HDAC8: variants seen among roughly 807,000 people sequenced by gnomAD.
HDAC8 encodes the protein histone deacetylase-like 1.
HDAC8 carries 1 observed loss-of-function variant against 32.2 expected under a neutral mutation model. The observed-to-expected ratio is 0.03, with a 90% CI of 0.01 to 0.15. The LOEUF is 0.15. HDAC8 is among the 10% of genes least tolerant of loss of function. The probability of loss-of-function intolerance (pLI) is 1.00; values close to 1 mark genes in which losing one functional copy is unlikely to be tolerated. For synonymous variants in HDAC8, 108 were observed against 113.9 expected, an observed-to-expected ratio of 0.95 and a Z score of 0.33; for missense variants, 117 against 300.0, an observed-to-expected ratio of 0.39 and a Z score of 4.51.
intron 7 of HDAC8, among the ~76,000 whole-genome samples, chrX:72,469,747 C>A (rs1295737962): frequency 8.9e-6 from 1 of 112,043 alleles, no homozygotes; most frequent in East Asian, 2.8e-4. Context: ...CTCTCTACAG[C>A]TTGGCCACGT....
At chrX:72,338,654 TA>T (rs2043791109) in intron 10 of HDAC8, among the ~76,000 whole-genome samples, 2 of 95,081 alleles carry the variant, frequency 2.1e-5, no homozygotes, top group Non-Finnish European at 4.2e-5. Context: ...TATATATATA[TA>T]TTTATAAATA....
intron 4 of HDAC8, among the ~76,000 whole-genome samples, chrX:72,549,345 T>TTTA (rs2050986892): frequency 9.0e-6 from 1 of 110,939 alleles, no homozygotes; most frequent in Non-Finnish European, 1.9e-5. Flanking sequence ...CCAAGGTGAT[T>TTTA]TTATTGATTT....
chrX:72,397,149 C>T (rs902558226), intron 9 of HDAC8, among the ~76,000 whole-genome samples: 6 of 110,983 alleles, frequency 5.4e-5, no homozygotes, highest in Non-Finnish European at 7.6e-5. Flanking sequence ...CTCACTATCA[C>T]GAGGGTGGCA....
chrX:72,572,623 C>A, intron 1 of HDAC8, 28 bp downstream of exon 1: 1 of 932,190 alleles, frequency 1.1e-6, no homozygotes, highest in Non-Finnish European at 1.5e-6. Context: ...CCCCAAAGCC[C>A]ATGGTCTTTC....
chrX:72,378,402 T>C (rs2045154193), intron 9 of HDAC8, among the ~76,000 whole-genome samples: 1 of 111,661 alleles, frequency 9.0e-6, no homozygotes, highest in Non-Finnish European at 1.9e-5. Context: ...GCCTTCCTAC[T>C]CTTTGACCTT....
chrX:72,487,993 G>T (rs116210798), intron 7 of HDAC8, among the ~76,000 whole-genome samples: 2,198 of 109,919 alleles, frequency 0.02, 55 homozygotes, highest in African/African-American at 0.067. Context: ...CAGGAGACAT[G>T]ATCAAAATTA....
intron 9 of HDAC8, among the ~76,000 whole-genome samples, chrX:72,410,626 T>C (rs140778463): frequency 0.015 from 1,712 of 111,606 alleles, 17 homozygotes; most frequent in Non-Finnish European, 0.023. Context: ...AAAAGAGTCA[T>C]AGATCTGTCA....
rs187840642 is a variant in HDAC8, at chrX:72,556,394, G to A, written c.437+11495C>T. 2.6e-4 allele frequency among the ~76,000 whole-genome samples: 29 copies of A among 111,731 alleles called. 1 individual carries two copies. The Admixed American group carries it at 2.8e-3, about 11-fold the overall frequency. The stretch of plus-strand genomic sequence containing the variant: ...AACAACTAGCATGATGAATAGAATA[G>A]TACCTCAATCTCAATACTAACATTG... On this transcript the variant is annotated intron_variant, in intron 4 of 10. Coordinates refer to ENST00000373573, the MANE Select transcript of HDAC8 (RefSeq NM_018486.3).
rs560598762 is a variant in HDAC8, at chrX:72,562,945, G to A, written c.437+4944C>T. ...CACCCAGGCTGGTGTGCAGTGGCAC[G>A]ATCTCGGCTCTCCGCAACCTCTGCC... On this transcript the variant is annotated intron_variant, in intron 4 of 10. Transcript: ENST00000373573. Among the ~76,000 whole-genome samples the A allele has an allele frequency of 3.2e-3, 331 of 104,567 alleles. 1 individual carries two copies. Among genetic ancestry groups the A allele is most frequent in the African/African-American group, 0.011 (317 of 28,387 alleles). 90.8% of individuals were successfully genotyped at this position (104,567 alleles called of 115,157 possible).
intron 7 of HDAC8, among the ~76,000 whole-genome samples, chrX:72,476,065 CT>C (rs1405337064): frequency 9.0e-6 from 1 of 111,150 alleles, no homozygotes; most frequent in African/African-American, 3.3e-5. Context: ...CATATTATTA[CT>C]TATCTCTCAC....
intron 7 of HDAC8, chrX:72,474,720 A>G (rs782515672): frequency 8.5e-7 from 1 of 1,178,778 alleles, no homozygotes. Context: ...TTGGGGCAGG[A>G]GGTTCGTACC....
rs1337923839 is a variant in HDAC8, at chrX:72,541,582, T to G, written c.437+26307A>C. On this transcript the variant is annotated intron_variant, in intron 4 of 10. Transcript: ENST00000373573. ...GAGAACAGACCAAAGGGGGCAAGGC[T>G]AGAAGCAGGAACGCTAGCTGGGAGG... Among the ~76,000 whole-genome samples, 4 of 111,754 alleles carry G rather than the reference T, an allele frequency of 3.6e-5. No homozygotes were observed. In the East Asian group the frequency reaches 1.1e-3, roughly 31 times the overall value.
chrX:72,497,922 C>T (rs1482400422), intron 4 of HDAC8, among the ~76,000 whole-genome samples: 1 of 110,980 alleles, frequency 9.0e-6, no homozygotes, highest in East Asian at 2.8e-4. Flanking sequence ...TTTCTACATG[C>T]TGCAGAAAAG....
chrX:72,491,819 C>T (rs1556009948), intron 5 of HDAC8, among the ~76,000 whole-genome samples: 1 of 111,640 alleles, frequency 9.0e-6, no homozygotes, highest in East Asian at 2.8e-4. Flanking sequence ...CTCTCAGAAT[C>T]ACATATAGTC....
At chrX:72,429,579 T>C (rs1372401008) in intron 9 of HDAC8, among the ~76,000 whole-genome samples, 1 of 111,866 alleles carries the variant, frequency 8.9e-6, no homozygotes, top group Non-Finnish European at 1.9e-5. Context: ...GAAGTGACTG[T>C]GGGATATTCT....
intron 9 of HDAC8, among the ~76,000 whole-genome samples, chrX:72,388,246 A>G (rs928429469): frequency 9.1e-6 from 1 of 110,272 alleles, no homozygotes; most frequent in African/African-American, 3.3e-5. Context: ...GGTAGATAAC[A>G]TGATTAAAGT....
intron 10 of HDAC8, among the ~76,000 whole-genome samples, chrX:72,336,681 G>T (rs2043695773): frequency 9.0e-6 from 1 of 111,439 alleles, no homozygotes; most frequent in African/African-American, 3.3e-5. Flanking sequence ...GCCTCTCAAA[G>T]TTCTGGGATT....
intron 4 of HDAC8, among the ~76,000 whole-genome samples, chrX:72,548,711 G>A (rs1207698925): frequency 1.8e-5 from 2 of 109,563 alleles, no homozygotes; most frequent in African/African-American, 6.7e-5. Flanking sequence ...TCTGAGACCA[G>A]ATCTTGCTCT....
intron 10 of HDAC8, among the ~76,000 whole-genome samples, chrX:72,336,229 A>C (rs1555942464): frequency 8.9e-6 from 1 of 112,014 alleles, no homozygotes; most frequent in African/African-American, 3.2e-5. Flanking sequence ...TCTAATAGAT[A>C]TGTAATGGTA....
Sources: allele counts gnomAD v4.1 joint callset (sites outside exome capture counted in the v4.1 genomes callset), GRCh38; gene constraint gnomAD v4.1.1; transcripts MANE v1.5; gene names NCBI Gene and HGNC (gene_info 2026-07-23, HGNC 2026-07-21).